Variants in DCAF6 observed in about 807,000 individuals in gnomAD.
The protein encoded by DCAF6 is DDB1 and CUL4 associated factor 6.
In DCAF6, 54 loss-of-function variants were observed where a neutral mutation model predicts 125.1. The observed-to-expected ratio is 0.43, with a 90% confidence interval of 0.35 to 0.54. The LOEUF (loss-of-function observed/expected upper bound fraction) is 0.54, where lower values mean the gene tolerates loss of function less well. Among genes scored for constraint, DCAF6 ranks in the 20% least tolerant of loss-of-function variants. The probability of loss-of-function intolerance (pLI) is 0.01; values close to 1 mark genes in which losing one functional copy is unlikely to be tolerated. For missense variants in DCAF6, 934 were observed against 1,161.7 expected, an observed-to-expected ratio of 0.80 and a Z score of 2.85; for synonymous variants, 371 against 390.4, an observed-to-expected ratio of 0.95 and a Z score of 0.58.
the DCAF6 span, among the ~76,000 whole-genome samples, chr1:167,866,744 T>A: frequency 7.9e-6 from 1 of 126,810 alleles, no homozygotes; most frequent in Non-Finnish European, 1.6e-5. Context: ...ATAAAGAAAG[T>A]TCACTTAAAA....
chr1:167,883,071 G>A, the DCAF6 span, among the ~76,000 whole-genome samples: 3 of 152,200 alleles, frequency 2.0e-5, no homozygotes, highest in African/African-American at 4.8e-5. Flanking sequence ...GGAGTCTCAC[G>A]CTATAGCCCA....
At chr1:168,037,121 T>G (rs532734004) in intron 12 of DCAF6, among the ~76,000 whole-genome samples, 1 of 145,698 alleles carries the variant, frequency 6.9e-6, no homozygotes, top group South Asian at 2.2e-4. Context: ...TTTTTTTTTT[T>G]GAGATGAGGT....
intron 20 of DCAF6, 94 bp from the exon 21 acceptor site, chr1:168,068,264 T>TG (rs1276918880): frequency 1.3e-6 from 1 of 769,626 alleles, no homozygotes; most frequent in Non-Finnish European, 2.2e-6. Context: ...TAATTCCTCC[T>TG]GGTACTGGCT....
chr1:167,896,667 T>TG, the DCAF6 span: 1 of 1,612,762 alleles, frequency 6.2e-7, no homozygotes, highest in Non-Finnish European at 8.5e-7. Context: ...AAATTAAAAT[T>TG]GGGGGGTGGT....
chr1:168,022,911 A>G (rs1031906610), intron 11 of DCAF6, 77 bp from the exon 12 acceptor site: 86 of 1,334,122 alleles, frequency 6.4e-5, no homozygotes, highest in Non-Finnish European at 8.5e-5. Flanking sequence ...TTGTTTCTTA[A>G]GCTTAGAGAT....
intron 17 of DCAF6, among the ~76,000 whole-genome samples, chr1:168,057,823 A>C (rs1272423296): frequency 6.6e-6 from 1 of 152,178 alleles, no homozygotes; most frequent in Non-Finnish European, 1.5e-5. Flanking sequence ...ACACATTATC[A>C]TTGTTAGTTC....
chr1:168,043,685 A>G (rs1426338696), intron 14 of DCAF6, among the ~76,000 whole-genome samples: 1 of 152,288 alleles, frequency 6.6e-6, no homozygotes, highest in Middle Eastern at 3.4e-3. Context: ...TGAAGGAATA[A>G]ATGAATTATA....
At chr1:167,975,497 AT>A (rs1364111543) in intron 4 of DCAF6, among the ~76,000 whole-genome samples, 1 of 152,234 alleles carries the variant, frequency 6.6e-6, no homozygotes, top group African/African-American at 2.4e-5. Context: ...GGTGGAATAA[AT>A]TTAAGACTCA....
At chr1:167,875,919 C>G in the DCAF6 span, among the ~76,000 whole-genome samples, 1 of 151,536 alleles carries the variant, frequency 6.6e-6, no homozygotes, top group Non-Finnish European at 1.5e-5. Context: ...CACCACTGCA[C>G]TCCAGCGTGG....
chr1:167,996,676 A>G (rs1681753477), intron 7 of DCAF6, among the ~76,000 whole-genome samples: 1 of 152,138 alleles, frequency 6.6e-6, no homozygotes, highest in African/African-American at 2.4e-5. Context: ...TCAAGATCTT[A>G]TATTATCTGG....
intron 7 of DCAF6, among the ~76,000 whole-genome samples, chr1:167,997,109 C>T (rs962712251): frequency 6.6e-6 from 1 of 152,082 alleles, no homozygotes; most frequent in Non-Finnish European, 1.5e-5. Flanking sequence ...ATAAAAGGTG[C>T]TCAAAAAATA....
intron 20 of DCAF6, among the ~76,000 whole-genome samples, chr1:168,068,124 C>G (rs184204639): frequency 2.6e-4 from 40 of 152,188 alleles, no homozygotes; most frequent in Middle Eastern, 6.8e-3. Flanking sequence ...AAAATTTGAC[C>G]TTTGTTTTTC....
chr1:167,880,605 C>A, the DCAF6 span: 105 of 1,610,932 alleles, frequency 6.5e-5, no homozygotes, highest in Non-Finnish European at 8.6e-5. Flanking sequence ...GAGGAAAGAG[C>A]AGCCCTGTGA....
chr1:167,946,254 C>G (rs1673073717), intron 1 of DCAF6, among the ~76,000 whole-genome samples: 1 of 152,168 alleles, frequency 6.6e-6, no homozygotes, highest in Non-Finnish European at 1.5e-5. Flanking sequence ...CCGCGCCTGG[C>G]AAATCTAAGA....
chr1:167,954,292 C>T (rs1195713132), intron 2 of DCAF6, among the ~76,000 whole-genome samples: 4 of 151,368 alleles, frequency 2.6e-5, no homozygotes, highest in African/African-American at 7.3e-5. Context: ...TGCACCCCAC[C>T]CACTCTGTAG....
chr1:167,890,608 T>G, the DCAF6 span, among the ~76,000 whole-genome samples: 1 of 152,194 alleles, frequency 6.6e-6, no homozygotes, highest in Admixed American at 6.5e-5. Flanking sequence ...AATCAGCAGG[T>G]GCAAAGCCAG....
At chr1:167,917,124 CTT>C in the DCAF6 span, 1 of 152,152 alleles carries the variant, frequency 6.6e-6, no homozygotes, top group African/African-American at 2.4e-5. Context: ...TTTATTAGCA[CTT>C]TTAGAAAAAA....
At chr1:167,991,684 GCT>G (rs964038833) in intron 6 of DCAF6, among the ~76,000 whole-genome samples, 13 of 152,154 alleles carry the variant, frequency 8.5e-5, no homozygotes, top group African/African-American at 3.1e-4. Context: ...TCTACTGGAA[GCT>G]CTGTTCGATG....
chr1:167,864,811 C>G, the DCAF6 span, among the ~76,000 whole-genome samples: 2 of 151,644 alleles, frequency 1.3e-5, no homozygotes, highest in African/African-American at 2.4e-5. Flanking sequence ...AGCACTGAGG[C>G]CTTCCTATCA....
Sources: allele counts gnomAD v4.1 joint callset (sites outside exome capture counted in the v4.1 genomes callset), GRCh38; gene constraint gnomAD v4.1.1; transcripts MANE v1.5; gene names NCBI Gene and HGNC (gene_info 2026-07-23, HGNC 2026-07-21).